PIEZO2: variants seen among roughly 807,000 people sequenced by gnomAD.
The protein encoded by PIEZO2 is piezo type mechanosensitive ion channel component 2.
In PIEZO2, 172 loss-of-function variants were observed where a neutral mutation model predicts 337.3. That is an observed-to-expected ratio of 0.51 (90% CI 0.45 to 0.58). The LOEUF (loss-of-function observed/expected upper bound fraction) is 0.58. Among genes scored for constraint, PIEZO2 ranks in the 20% least tolerant of loss-of-function variants. The probability of loss-of-function intolerance (pLI) is 0.00; values close to 1 mark genes in which losing one functional copy is unlikely to be tolerated. For synonymous variants in PIEZO2, 1,251 were observed against 1,228.5 expected (o/e 1.02, Z -0.38); for missense variants, 3,028 against 3,391.3 (o/e 0.89, Z 2.66).
intron 4 of PIEZO2, 71 bp from the exon 5 acceptor site, chr18:10,871,486 G>T: frequency 2.9e-6 from 4 of 1,362,292 alleles, no homozygotes; most frequent in South Asian, 1.5e-5. Flanking sequence ...CTGCCTTATA[G>T]GATGTTTTGG....
intron 4 of PIEZO2, among the ~76,000 whole-genome samples, chr18:10,885,715 G>A (rs1256240176): frequency 6.6e-6 from 1 of 152,176 alleles, no homozygotes; most frequent in Non-Finnish European, 1.5e-5. Context: ...CTCTTGTTAT[G>A]TGAACATAAG....
chr18:11,090,912 TA>T (rs61020782), intron 1 of PIEZO2, among the ~76,000 whole-genome samples: 44,702 of 123,448 alleles, frequency 0.36, 8,530 homozygotes, highest in Non-Finnish European at 0.45. Flanking sequence ...AGACTCCGTC[TA>T]AAAAAAAAAA....
At chr18:10,705,891 G>A (rs1480935545) in intron 40 of PIEZO2, 145 bp from the exon 41 acceptor site, 4 of 1,067,660 alleles carry the variant, frequency 3.7e-6, no homozygotes, top group Middle Eastern at 3.0e-4. Flanking sequence ...GTTCTTTTAG[G>A]ATAATCACTC....
chr18:10,722,526 G>C (rs753655081), intron 36 of PIEZO2, among the ~76,000 whole-genome samples: 7 of 152,170 alleles, frequency 4.6e-5, no homozygotes, highest in Non-Finnish European at 8.8e-5. Flanking sequence ...ACCGTGCCCA[G>C]CCAAGAGACT....
rs182058630 is a variant in PIEZO2, at chr18:10,672,230, C to T, written c.8346-451G>A. On this transcript the variant is annotated intron_variant, in intron 55 of 55. Transcript: ENST00000674853. The surrounding 1 kb of genome is among the most constrained non-coding windows in gnomAD (Gnocchi z 4.7). ...TGGGTGAAAATCATTTCTTATGAGG[C>T]TAACTTTGAGAAATACAATATTTTA... 6.6e-6 allele frequency among the ~76,000 whole-genome samples: 1 copy of T among 152,182 alleles called. No homozygotes were observed. Among genetic ancestry groups the T allele is most frequent in the East Asian group, 1.9e-4 (1 of 5,188 alleles).
At chr18:10,836,261 T>C in intron 7 of PIEZO2, among the ~76,000 whole-genome samples, 1 of 152,182 alleles carries the variant, frequency 6.6e-6, no homozygotes, top group East Asian at 1.9e-4. Context: ...CAGTAGTGAG[T>C]AGACTCCTGT....
At chr18:10,933,278 C>A (rs1024892849) in intron 3 of PIEZO2, among the ~76,000 whole-genome samples, 2 of 151,972 alleles carry the variant, frequency 1.3e-5, no homozygotes, top group African/African-American at 2.4e-5. Context: ...TTGAACTGAA[C>A]GTTTACATTA....
chr18:11,106,271 T>A (rs1284087320), intron 1 of PIEZO2, among the ~76,000 whole-genome samples: 2 of 150,516 alleles, frequency 1.3e-5, no homozygotes, highest in Non-Finnish European at 3.0e-5. Flanking sequence ...TATTTTTTTT[T>A]TTTTTTTTAG....
intron 2 of PIEZO2, among the ~76,000 whole-genome samples, chr18:10,995,535 G>A (rs929868718): frequency 1.3e-5 from 2 of 152,208 alleles, no homozygotes; most frequent in East Asian, 1.9e-4. Context: ...ACATTGTAGA[G>A]TGAGGAGAGG....
At position 11,127,250 on chromosome 18, in the gene PIEZO2, C is replaced by T. The variant is rs925494909; in HGVS notation, c.64+21275G>A. On this transcript the variant is annotated intron_variant, in intron 1 of 55. Coordinates refer to ENST00000674853, the MANE Select transcript of PIEZO2 (RefSeq NM_001378183.1). This position sits in a 1 kb window ranked among gnomAD's most constrained non-coding sequence, Gnocchi z 4.5. ...ATTTAGGCTGAGATATAGGAGGAAA[C>T]GCTCATCAGAGCACACAGCCACTGC... Among the ~76,000 whole-genome samples, 5 of 152,134 alleles carry T rather than the reference C, an allele frequency of 3.3e-5. No homozygotes were observed. Among genetic ancestry groups the T allele is most frequent in the East Asian group, 1.9e-4 (1 of 5,194 alleles).
rs147666072 is a variant in PIEZO2 at position 10,677,859 on chromosome 18, C to T, written c.7969G>A (p.Ala2657Thr). The change falls in exon 53 of 56, where the codon GCA becomes ACA. Residue 2657 changes from alanine (A) to threonine (T), a missense_variant. Ala to Thr is a moderately conservative substitution (Grantham distance 58, BLOSUM62 0). Coordinates refer to ENST00000674853, the MANE Select transcript of PIEZO2 (RefSeq NM_001378183.1). The surrounding 1 kb of genome is among the most constrained non-coding windows in gnomAD (Gnocchi z 4.1). ...WSIQRNLSLG[A>T]KSEIATDKLS... ...TTATCTGTTGCTATTTCCGATTTTG[C>T]ACCCAGACTTAAGTTTCTGTGAAGA... 2,033 of 1,590,704 alleles carry T rather than the reference C, an allele frequency of 1.3e-3. 7 individuals carry two copies. Among genetic ancestry groups the T allele is most frequent in the Non-Finnish European group, 1.5e-3 (1,726 of 1,174,104 alleles).
chr18:11,047,891 G>T lies in PIEZO2; in HGVS notation c.160+18236C>A, dbSNP rs942547794. On this transcript the variant is annotated intron_variant, in intron 2 of 55. Coordinates refer to ENST00000674853, the MANE Select transcript of PIEZO2 (RefSeq NM_001378183.1). This position sits in a 1 kb window ranked among gnomAD's most constrained non-coding sequence, Gnocchi z 7.2. ...CCTAAGTGCAAAGGGACCTGTAAGA[G>T]TTAATGGCTGGCCAGGTTGCCAGGA... Among the ~76,000 whole-genome samples the T allele has an allele frequency of 6.6e-6, 1 of 152,200 alleles. No homozygotes were observed. Among genetic ancestry groups the T allele is most frequent in the Non-Finnish European group, 1.5e-5 (1 of 68,040 alleles).
At chr18:10,881,878 G>A (rs1056375754) in intron 4 of PIEZO2, among the ~76,000 whole-genome samples, 4 of 152,122 alleles carry the variant, frequency 2.6e-5, no homozygotes, top group South Asian at 2.1e-4. Flanking sequence ...CCCCACGACA[G>A]TACTCTTTTT....
intron 1 of PIEZO2, among the ~76,000 whole-genome samples, chr18:11,089,063 T>C (rs555208277): frequency 6.6e-6 from 1 of 152,330 alleles, no homozygotes; most frequent in African/African-American, 2.4e-5. Context: ...CGTATGTGCA[T>C]GTGTGCATCC....
Position 10,894,921 on chromosome 18 carries a change from G to C in PIEZO2, c.329+16265C>G, listed in dbSNP as rs184143839. The C allele has an allele frequency of 3.3e-5, 5 of 152,324 alleles. No individual in the cohort carries two copies. Among genetic ancestry groups the C allele is most frequent in the Admixed American group, 3.3e-4 (5 of 15,300 alleles). The allele number at this position is 152,324 out of a possible 1,614,324, so 9.4% of individuals were successfully genotyped here. A position where few individuals can be genotyped will look rare whatever the true frequency, so the allele number is the denominator to read the frequency against. On this transcript the variant is annotated intron_variant, in intron 4 of 55. Transcript: ENST00000674853. The surrounding 1 kb of genome is among the most constrained non-coding windows in gnomAD (Gnocchi z 4.1). ...CGTATAGATTCGCTGCCAGCAGCTC[G>C]GGATACCTGCCACCACTAACATTTT...
intron 21 of PIEZO2, 128 bp downstream of exon 21, chr18:10,770,020 T>C: frequency 2.0e-6 from 2 of 978,172 alleles, no homozygotes; most frequent in Non-Finnish European, 2.9e-6. Context: ...TGTAAGTACT[T>C]AGTCTTGGAG....
intron 1 of PIEZO2, among the ~76,000 whole-genome samples, chr18:11,138,422 A>G (rs1041603535): frequency 6.6e-6 from 1 of 152,154 alleles, no homozygotes; most frequent in African/African-American, 2.4e-5. Flanking sequence ...CAGCCTCCCG[A>G]GTAGCTGGGA....
chr18:10,796,043 G>A (rs889547357), intron 12 of PIEZO2, among the ~76,000 whole-genome samples: 14 of 151,924 alleles, frequency 9.2e-5, no homozygotes, highest in African/African-American at 2.7e-4. Context: ...AGGGAACCAC[G>A]GTTGCTTGAT....
In PIEZO2 at chr18:10,763,029, G is replaced by A; in HGVS notation, c.3016C>T (p.Leu1006=). 2 of 1,537,350 alleles carry A rather than the reference G, an allele frequency of 1.3e-6. No homozygotes were observed. The highest frequency in any genetic ancestry group is 1.7e-6 in the Non-Finnish European group (2 of 1,146,922). The change falls in exon 22 of 56, where the codon CTG becomes TTG. Residue 1006 remains leucine, a synonymous_variant. Coordinates refer to ENST00000674853, the MANE Select transcript of PIEZO2 (RefSeq NM_001378183.1). ...FALPYAKLRR[L]ASSVCTVWTC... ...CAGACTGTGCAGACACTTGAAGCCA[G>A]ACGGCGCAGCTTGGCGTACGGCAGA...
Sources: gnomAD v4.1 joint callset for allele counts (sites outside exome capture counted in the v4.1 genomes callset) on GRCh38, gnomAD v4.1.1 for gene constraint, Gnocchi (gnomAD v3.1) non-coding constraint, MANE v1.5 for transcripts, NCBI Gene and HGNC (gene_info 2026-07-23, HGNC 2026-07-21) for gene names.